Variants in RHOU observed in about 807,000 individuals in gnomAD.
RHOU encodes ras homolog family member U, also known as rho-related GTP-binding protein RhoU.
A neutral mutation model predicts 12.6 loss-of-function variants in RHOU; 8 were observed. That is an observed-to-expected ratio of 0.64 (90% confidence interval 0.37 to 1.15). The LOEUF (loss-of-function observed/expected upper bound fraction) is 1.15. Ranked by LOEUF, RHOU falls within the 50% of genes most tolerant of loss-of-function variation. The pLI is 0.01. For synonymous variants in RHOU, 161 were observed against 147.4 expected (o/e 1.09, Z -0.67); for missense variants, 258 against 347.0 (o/e 0.74, Z 2.04).
At chr1:228,685,864 T>C in the RHOU span, among the ~76,000 whole-genome samples, 1 of 152,218 alleles carries the variant, frequency 6.6e-6, no homozygotes, top group Non-Finnish European at 1.5e-5. Flanking sequence ...CAAGAGTTAA[T>C]CTAGTGCAAC....
chr1:228,651,818 T>C, the RHOU span, among the ~76,000 whole-genome samples: 3 of 152,256 alleles, frequency 2.0e-5, no homozygotes, highest in African/African-American at 7.2e-5. Flanking sequence ...TCTCAATGTC[T>C]GTCTCCGTTG....
In RHOU at chr1:228,743,894, C is replaced by T; in HGVS notation, c.*154C>T. On this transcript the variant is annotated 3_prime_UTR_variant, in exon 3 of 3. Coordinates refer to ENST00000366691, the MANE Select transcript of RHOU (RefSeq NM_021205.6). The surrounding 1 kb of genome is among the most constrained non-coding windows in gnomAD (Gnocchi z 5.1). ...CTCTCAATTTTATGTATTCTTTCTG[C>T]CTTTAATTTTCTTGTTTGTTTGAGC... 1.6e-6 allele frequency: 1 copy of T among 638,992 alleles called. No homozygotes were observed. 39.6% of individuals were successfully genotyped at this position (638,992 alleles called of 1,614,324 possible). A position where few individuals can be genotyped will look rare whatever the true frequency, so the allele number is the denominator to read the frequency against.
the RHOU span, among the ~76,000 whole-genome samples, chr1:228,686,539 C>A: frequency 6.6e-6 from 1 of 152,192 alleles, no homozygotes; most frequent in Non-Finnish European, 1.5e-5. Context: ...GAGGAATACT[C>A]TCCTACACCA....
intron 2 of RHOU, among the ~76,000 whole-genome samples, chr1:228,739,035 C>T (rs778751293): frequency 1.1e-4 from 16 of 151,994 alleles, no homozygotes; most frequent in Non-Finnish European, 2.1e-4. Flanking sequence ...GTGAGAGGAT[C>T]GCTTGAACCC....
the RHOU span, among the ~76,000 whole-genome samples, chr1:228,682,327 C>T: frequency 6.6e-6 from 1 of 152,184 alleles, no homozygotes; most frequent in Admixed American, 6.5e-5. Context: ...GAAGGAGTCC[C>T]TCTGACCCGG....
chr1:228,654,790 T>C, the RHOU span, among the ~76,000 whole-genome samples: 1 of 152,244 alleles, frequency 6.6e-6, no homozygotes, highest in East Asian at 1.9e-4. Context: ...TGGTCTTTTT[T>C]CTTTTTTTAG....
chr1:228,714,054 G>A, the RHOU span, among the ~76,000 whole-genome samples: 1 of 152,084 alleles, frequency 6.6e-6, no homozygotes, highest in Admixed American at 6.6e-5. Context: ...TAGCCTCTAT[G>A]GAGACAATTA....
At position 228,735,914 on chromosome 1, in the gene RHOU, G is replaced by C. The variant is rs751692530; in HGVS notation, c.172G>C (p.Gly58Arg). ...CGTCAAGTGCGTGCTGGTCGGCGAC[G>C]GCGCGGTGGGCAAGACGAGCCTGGT... ...RGVKCVLVGD[G>R]AVGKTSLVVS... Residue 58 changes from glycine to arginine, a missense_variant, in exon 1 of 3, where the codon GGC (glycine) becomes CGC (arginine). Gly to Arg is a moderately radical substitution (Grantham distance 125). Coordinates refer to ENST00000366691, the MANE Select transcript of RHOU (RefSeq NM_021205.6). The surrounding 1 kb of genome is among the most constrained non-coding windows in gnomAD (Gnocchi z 8.1). 1 of 1,560,516 alleles carries C rather than the reference G, an allele frequency of 6.4e-7. No individual in the cohort carries two copies. The highest frequency in any genetic ancestry group is 8.6e-7 in the Non-Finnish European group (1 of 1,157,864).
chr1:228,655,953 A>T, the RHOU span, among the ~76,000 whole-genome samples: 4 of 152,182 alleles, frequency 2.6e-5, no homozygotes, highest in African/African-American at 7.2e-5. Context: ...AGCCTTACAT[A>T]AAAAAATACT....
Position 228,735,855 on chromosome 1 carries a change from G to C in RHOU, c.113G>C (p.Gly38Ala), listed in dbSNP as rs1454763184. ...RGGRGPGEPG[G>A]RGRAGGAEGR... is the part of the protein sequence containing the mutation. The stretch of plus-strand genomic sequence containing the variant: ...GGACGCGGGCCTGGGGAGCCGGGGG[G>C]CCGGGGGCGTGCGGGGGGTGCCGAG... Residue 38 changes from glycine to alanine, a missense_variant, in exon 1 of 3, where the codon GGC becomes GCC. Gly to Ala is a moderately conservative substitution (Grantham distance 60). Transcript: ENST00000366691. This position sits in a 1 kb window ranked among gnomAD's most constrained non-coding sequence, Gnocchi z 8.1. 1.0e-5 allele frequency: 14 copies of C among 1,393,276 alleles called. No individual in the cohort carries two copies. In the East Asian group the frequency reaches 4.0e-4, roughly 39 times the overall value. The allele number at this position is 1,393,276 out of a possible 1,614,324, so 86.3% of individuals were successfully genotyped here.
chr1:228,680,121 C>T, the RHOU span, among the ~76,000 whole-genome samples: 2 of 152,136 alleles, frequency 1.3e-5, no homozygotes, highest in Non-Finnish European at 2.9e-5. Context: ...TGGGTTGCCT[C>T]CGTATTGATT....
the RHOU span, among the ~76,000 whole-genome samples, chr1:228,727,258 A>G: frequency 6.6e-6 from 1 of 152,200 alleles, no homozygotes; most frequent in Non-Finnish European, 1.5e-5. Flanking sequence ...TGGGATGCAT[A>G]TGATAGAGAA....
At chr1:228,707,220 T>TATATATATAC in the RHOU span, among the ~76,000 whole-genome samples, 1 of 105,598 alleles carries the variant, frequency 9.5e-6, no homozygotes, top group African/African-American at 4.8e-5. Flanking sequence ...TATATATACA[T>TATATATATAC]ATATATATAC....
At chr1:228,715,042 A>G in the RHOU span, among the ~76,000 whole-genome samples, 1 of 151,966 alleles carries the variant, frequency 6.6e-6, no homozygotes, top group South Asian at 2.1e-4. Context: ...GCGCCTGGCC[A>G]ATTAACTTTA....
the RHOU span, among the ~76,000 whole-genome samples, chr1:228,704,886 T>C: frequency 2.6e-5 from 4 of 152,222 alleles, no homozygotes; most frequent in South Asian, 8.3e-4. Context: ...CACTGCAACC[T>C]TCACCTCCTG....
chr1:228,725,200 T>G, the RHOU span, among the ~76,000 whole-genome samples: 1 of 152,228 alleles, frequency 6.6e-6, no homozygotes, highest in African/African-American at 2.4e-5. Flanking sequence ...GAATTCACTC[T>G]GCACCCTGGA....
chr1:228,658,572 CT>C, the RHOU span, among the ~76,000 whole-genome samples: 1 of 152,152 alleles, frequency 6.6e-6, no homozygotes, highest in Non-Finnish European at 1.5e-5. Context: ...AAATAAATGT[CT>C]GTTTTTTAAT....
the RHOU span, among the ~76,000 whole-genome samples, chr1:228,646,867 T>TGGAGAGATAGAAACCGAGGGAG: frequency 6.7e-6 from 1 of 149,478 alleles, no homozygotes; most frequent in Non-Finnish European, 1.5e-5. Flanking sequence ...AGAAGATGGA[T>TGGAGAGATAGAAACCGAGGGAG]GGAGAGATAG....
At chr1:228,647,436 A>T in the RHOU span, among the ~76,000 whole-genome samples, 1 of 152,142 alleles carries the variant, frequency 6.6e-6, no homozygotes, top group African/African-American at 2.4e-5. Context: ...AGTGCGGGGC[A>T]ATAGGAATCC....
Sources: gnomAD v4.1 joint callset for allele counts (sites outside exome capture counted in the v4.1 genomes callset) on GRCh38, gnomAD v4.1.1 for gene constraint, Gnocchi (gnomAD v3.1) non-coding constraint, MANE v1.5 for transcripts, NCBI Gene and HGNC (gene_info 2026-07-23, HGNC 2026-07-21) for gene names.